Variants in PLCG2 observed in about 807,000 individuals in gnomAD.
The protein encoded by PLCG2 is 1-phosphatidylinositol 4,5-bisphosphate phosphodiesterase gamma-2.
Under a neutral mutation model 175.6 loss-of-function variants are expected in PLCG2, and 69 were observed. The observed-to-expected ratio is 0.39, with a 90% CI of 0.32 to 0.48. The LOEUF (loss-of-function observed/expected upper bound fraction) is 0.48, where lower values mean the gene tolerates loss of function less well. Ranked by LOEUF, PLCG2 falls within the 20% of genes least tolerant of loss-of-function variation. The pLI is 0.91. For synonymous variants in PLCG2, 827 were observed against 624.0 expected (o/e 1.33, Z -4.85); for missense variants, 1,798 against 1,650.9 (o/e 1.09, Z -1.54).
intron 9 of PLCG2, among the ~76,000 whole-genome samples, chr16:81,887,540 T>A (rs1007806668): frequency 3.3e-5 from 5 of 152,236 alleles, no homozygotes; most frequent in African/African-American, 1.2e-4. Flanking sequence ...GGGCCCCTGA[T>A]CCAGGCATAT....
intron 9 of PLCG2, among the ~76,000 whole-genome samples, chr16:81,884,376 C>A (rs1357438875): frequency 6.6e-6 from 1 of 151,094 alleles, no homozygotes; most frequent in African/African-American, 2.4e-5. Context: ...AAAACACCCC[C>A]ACCCCACCAA....
At chr16:81,933,666 G>C (rs1413817027) in intron 25 of PLCG2, among the ~76,000 whole-genome samples, 2 of 152,054 alleles carry the variant, frequency 1.3e-5, no homozygotes, top group Admixed American at 1.3e-4. Context: ...TCAGGGTGTG[G>C]ATTGACTTAG....
rs1230237645 is a variant in PLCG2, at chr16:81,937,791, C to T, written c.3086C>T (p.Ser1029Phe). 6.2e-7 allele frequency: 1 copy of T among 1,614,012 alleles called. No homozygotes were observed. Among genetic ancestry groups the T allele is most frequent in the Non-Finnish European group, 8.5e-7 (1 of 1,179,928 alleles). Reference sequence around the variant, plus strand: ...ATGCAGATGAATCACGCATTGTTTTCTCTCAATGGGCGCACGGGCTACGTT... The same window carrying T: ...ATGCAGATGAATCACGCATTGTTTTTTCTCAATGGGCGCACGGGCTACGTT... ...KYMQMNHALFSLNGRTGYVLQ... is the reference protein window; with the variant it reads ...KYMQMNHALFFLNGRTGYVLQ... Residue 1029 changes from serine (S) to phenylalanine (F), a missense_variant, in exon 28 of 33, where the codon TCT (serine) becomes TTT (phenylalanine). Transcript: ENST00000564138.
upstream of PLCG2, among the ~76,000 whole-genome samples, chr16:81,778,415 A>G (rs144920267): frequency 4.8e-3 from 732 of 152,316 alleles, 5 homozygotes; most frequent in Non-Finnish European, 6.5e-3. Flanking sequence ...AGTGAAATTC[A>G]AGTGCCTGAC....
intron 1 of PLCG2, among the ~76,000 whole-genome samples, chr16:81,749,924 C>T (rs1000506880): frequency 1.3e-5 from 2 of 152,002 alleles, no homozygotes; most frequent in South Asian, 2.1e-4. Context: ...AATCCATCTA[C>T]GCGGCGGAAT....
intron 2 of PLCG2, among the ~76,000 whole-genome samples, chr16:81,800,553 T>A (rs979412414): frequency 6.6e-6 from 1 of 152,176 alleles, no homozygotes; most frequent in Non-Finnish European, 1.5e-5. Flanking sequence ...TCTCGTTCCG[T>A]TTTATGGCTG....
At chr16:81,821,593 C>T (rs1340882267) in intron 2 of PLCG2, among the ~76,000 whole-genome samples, 1 of 152,024 alleles carries the variant, frequency 6.6e-6, no homozygotes, top group Non-Finnish European at 1.5e-5. Context: ...TACTTGTTGC[C>T]TTGTGTGCTG....
intron 8 of PLCG2, 37 bp from the exon 9 acceptor site, chr16:81,883,232 G>T: frequency 6.3e-7 from 1 of 1,591,840 alleles, no homozygotes; most frequent in Non-Finnish European, 8.6e-7. Flanking sequence ...TGTTGAATGT[G>T]TCTGTCTCTA....
At chr16:81,905,240 G>C (rs1909315767) in intron 14 of PLCG2, among the ~76,000 whole-genome samples, 163 bp from the exon 15 acceptor site, 2 of 152,220 alleles carry the variant, frequency 1.3e-5, no homozygotes. Flanking sequence ...TCCTCGTTCA[G>C]GGTAACCTGG....
chr16:81,846,185 G>T (rs1032378305), intron 2 of PLCG2, among the ~76,000 whole-genome samples: 12 of 152,112 alleles, frequency 7.9e-5, no homozygotes, highest in African/African-American at 2.9e-4. Flanking sequence ...TCACCTAGGA[G>T]GTTGTAGTGG....
rs551983623 is a variant in PLCG2 at position 81,960,037 on chromosome 16, C to T, written c.*2039C>T. On this transcript the variant is annotated 3_prime_UTR_variant, in exon 33 of 33. Coordinates refer to ENST00000564138, the MANE Select transcript of PLCG2 (RefSeq NM_002661.5). ...CAGCTGCTGCTGTGTAAAATCCATG[C>T]GTGGCCAAAGAGAAGTCAGGGGATT... 3.2e-5 allele frequency: 7 copies of T among 216,678 alleles called. No individual in the cohort carries two copies. The highest frequency in any genetic ancestry group is 1.4e-4 in the African/African-American group (6 of 44,330). The allele number at this position is 216,678 out of a possible 1,614,324, so 13.4% of individuals were successfully genotyped here. A position where few individuals can be genotyped will look rare whatever the true frequency, so the allele number is the denominator to read the frequency against.
At chr16:81,941,527 T>C (rs1311558817) in intron 30 of PLCG2, among the ~76,000 whole-genome samples, 1 of 151,958 alleles carries the variant, frequency 6.6e-6, no homozygotes, top group Non-Finnish European at 1.5e-5. Context: ...AGTTACTAGA[T>C]GAAACAAGAC....
intron 27 of PLCG2, among the ~76,000 whole-genome samples, chr16:81,936,800 C>G (rs1910733593): frequency 6.6e-6 from 1 of 152,216 alleles, no homozygotes; most frequent in Non-Finnish European, 1.5e-5. Context: ...TCGCATAAAT[C>G]ACGGGGCTTT....
upstream of PLCG2, among the ~76,000 whole-genome samples, chr16:81,775,507 G>T (rs1567456524): frequency 6.6e-6 from 1 of 152,098 alleles, no homozygotes; most frequent in Non-Finnish European, 1.5e-5. Context: ...TTGCCCCATG[G>T]GGATGAGGGC....
chr16:81,742,052 G>C (rs2143044261), intron 1 of PLCG2, among the ~76,000 whole-genome samples: 1 of 147,372 alleles, frequency 6.8e-6, no homozygotes, highest in East Asian at 2.0e-4. Context: ...CCCCTTCCCA[G>C]CCTCCAGTAT....
chr16:81,869,029 C>G (rs762122238), intron 5 of PLCG2, among the ~76,000 whole-genome samples, 185 bp from the exon 6 acceptor site: 1 of 152,246 alleles, frequency 6.6e-6, no homozygotes, highest in Non-Finnish European at 1.5e-5. Context: ...ATTGCTTGAG[C>G]CTTGCTCATT....
At chr16:81,892,352 A>G (rs1908676765) in intron 11 of PLCG2, among the ~76,000 whole-genome samples, 1 of 152,094 alleles carries the variant, frequency 6.6e-6, no homozygotes, top group African/African-American at 2.4e-5. Context: ...CAGAAGGAGG[A>G]TACAGGATGT....
upstream of PLCG2, among the ~76,000 whole-genome samples, chr16:81,778,072 ACAC>A: frequency 1.0e-5 from 1 of 97,530 alleles, no homozygotes; most frequent in Admixed American, 9.8e-5. Context: ...AACCAAAAAC[ACAC>A]ACACACAAAA....
chr16:81,917,915 G>C (rs1171668243), intron 19 of PLCG2, among the ~76,000 whole-genome samples: 3 of 152,144 alleles, frequency 2.0e-5, no homozygotes, highest in Non-Finnish European at 2.9e-5. Context: ...TAGAGACGGG[G>C]TTTCACCATG....
Sources: allele counts gnomAD v4.1 joint callset (sites outside exome capture counted in the v4.1 genomes callset), GRCh38; gene constraint gnomAD v4.1.1; transcripts MANE v1.5; gene names NCBI Gene and HGNC (gene_info 2026-07-23, HGNC 2026-07-21).